The following DIP2C variants were observed in gnomAD, a reference collection of about 807,000 sequenced individuals.
DIP2C encodes the protein DIP2 acetate--CoA ligase C (putative), also known as disco-interacting protein 2 homolog C.
A neutral mutation model predicts 192.4 loss-of-function variants in DIP2C; 33 were observed. The observed-to-expected ratio is 0.17, with a 90% CI of 0.13 to 0.23. The LOEUF is 0.23. Among genes scored for constraint, DIP2C ranks in the 10% least tolerant of loss-of-function variants. The pLI is 1.00. For synonymous variants in DIP2C, 979 were observed against 864.1 expected (o/e 1.13, Z -2.33); for missense variants, 1,537 against 2,110.1 (o/e 0.73, Z 5.32).
intron 1 of DIP2C, among the ~76,000 whole-genome samples, chr10:595,106 G>C (rs1015423419): frequency 6.6e-6 from 1 of 152,236 alleles, no homozygotes; most frequent in Non-Finnish European, 1.5e-5. Flanking sequence ...CTCGGGACAA[G>C]AGGTAAAATG....
At chr10:604,842 T>C (rs757074027) in intron 1 of DIP2C, among the ~76,000 whole-genome samples, 14 of 152,216 alleles carry the variant, frequency 9.2e-5, no homozygotes, top group Non-Finnish European at 1.6e-4. Flanking sequence ...CAGACCATAC[T>C]GGAGCGAAGG....
At position 414,106 on chromosome 10, in the gene DIP2C, T is replaced by C. The variant is rs1235742450; in HGVS notation, c.864A>G (p.Gln288=). The change falls in exon 8 of 37, where the codon CAA becomes CAG. Residue 288 remains glutamine (Q), a synonymous_variant. Transcript: ENST00000280886. ...GCTTTGGTTGGTTCGGATCCGGTTG[T>C]TGAACTAAATCGTTTGAATACAAGA... ...VDDFEELLEV[Q]QPDPNQPKPE... 1 of 1,610,650 alleles carries C rather than the reference T, an allele frequency of 6.2e-7. No homozygotes were observed. Among genetic ancestry groups the C allele is most frequent in the African/African-American group, 1.3e-5 (1 of 74,894 alleles).
chr10:583,521 T>G (rs572343247), intron 1 of DIP2C, among the ~76,000 whole-genome samples: 1 of 152,316 alleles, frequency 6.6e-6, no homozygotes, highest in Non-Finnish European at 1.5e-5. Context: ...TTGTAAGCAG[T>G]CAGGAGAGGG....
intron 36 of DIP2C, among the ~76,000 whole-genome samples, chr10:279,559 A>C (rs1432117156): frequency 6.6e-6 from 1 of 152,232 alleles, no homozygotes; most frequent in Non-Finnish European, 1.5e-5. Flanking sequence ...GTTTGGCTTG[A>C]ATTTGGCAAC....
chr10:622,739 C>T (rs139811991), intron 1 of DIP2C, among the ~76,000 whole-genome samples: 1 of 152,278 alleles, frequency 6.6e-6, no homozygotes, highest in African/African-American at 2.4e-5. Flanking sequence ...ACGTTCTTCA[C>T]GTTCTAAATG....
At chr10:620,104 T>C (rs891214244) in intron 1 of DIP2C, among the ~76,000 whole-genome samples, 8 of 152,196 alleles carry the variant, frequency 5.3e-5, no homozygotes, top group Admixed American at 1.3e-4. Context: ...CACATGTGGC[T>C]GAATGTATTT....
intron 6 of DIP2C, 120 bp downstream of exon 6, chr10:418,945 A>T: frequency 6.9e-7 from 1 of 1,455,558 alleles, no homozygotes; most frequent in Non-Finnish European, 9.2e-7. Flanking sequence ...AGATCTGATA[A>T]ATTGGCTTTG....
At chr10:392,800 G>C (rs1564653946) in intron 10 of DIP2C, among the ~76,000 whole-genome samples, 1 of 149,756 alleles carries the variant, frequency 6.7e-6, no homozygotes. Flanking sequence ...CACACACGCG[G>C]ATGCGCACAC....
chr10:594,666 C>A (rs1851600666), intron 1 of DIP2C, among the ~76,000 whole-genome samples: 2 of 152,184 alleles, frequency 1.3e-5, no homozygotes, highest in Admixed American at 1.3e-4. Context: ...CTGGCTGCTT[C>A]CTGACAGGAA....
Position 417,847 on chromosome 10 carries a change from C to T in DIP2C, c.739+1218G>A, listed in dbSNP as rs373916970. Among the ~76,000 whole-genome samples, 65 of 63,520 alleles carry T rather than the reference C, an allele frequency of 1.0e-3. 4 individuals carry two copies. The highest frequency in any genetic ancestry group is 3.9e-3 in the African/African-American group (42 of 10,790). The allele number at this position is 63,520 out of a possible 152,430, so 41.7% of individuals were successfully genotyped here. A position where few individuals can be genotyped will look rare whatever the true frequency, so the allele number is the denominator to read the frequency against. On this transcript the variant is annotated intron_variant, in intron 6 of 36. Coordinates refer to ENST00000280886, the MANE Select transcript of DIP2C (RefSeq NM_014974.3). ...GCGGACAGGCCTCCCTGTCCACCTG[C>T]ACCTGTCAGAGCTCGGACAGGCCTC...
Position 472,568 on chromosome 10 carries a change from A to C in DIP2C, c.158-19T>G. On this transcript the variant is annotated intron_variant, in intron 2 of 36. Coordinates refer to ENST00000280886, the MANE Select transcript of DIP2C (RefSeq NM_014974.3). ...TCCACCCCTGGATTTCAATAAAAAC[A>C]GCAGAGTGAGGTGTGACTGTACTCA... 6.2e-7 allele frequency: 1 copy of C among 1,602,322 alleles called. No homozygotes were observed.
intron 3 of DIP2C, among the ~76,000 whole-genome samples, chr10:466,823 C>T (rs1342351957): frequency 1.4e-5 from 2 of 138,060 alleles, no homozygotes; most frequent in East Asian, 4.7e-4. Context: ...CAAATCAAAA[C>T]CACTATGAGA....
rs549301984 is a variant in DIP2C at position 509,282 on chromosome 10, A to C, written c.86-22752T>G. On this transcript the variant is annotated intron_variant, in intron 1 of 36. Transcript: ENST00000280886. ...GCGCCAGGTATTCCCGCACGCACCG[A>C]TATCTTCAGACTTCTGCAGCATCCT... Among the ~76,000 whole-genome samples, 7 of 152,322 alleles carry C rather than the reference A, an allele frequency of 4.6e-5. No homozygotes were observed. The South Asian group carries it at 1.4e-3, about 32-fold the overall frequency.
intron 1 of DIP2C, among the ~76,000 whole-genome samples, chr10:548,615 G>T (rs1357714759): frequency 1.3e-5 from 2 of 150,036 alleles, no homozygotes; most frequent in Non-Finnish European, 3.0e-5. Context: ...GGTTATGGGG[G>T]TGACATGGTG....
At chr10:443,423 G>T (rs61837235) in intron 3 of DIP2C, among the ~76,000 whole-genome samples, 3 of 152,028 alleles carry the variant, frequency 2.0e-5, no homozygotes, top group Non-Finnish European at 4.4e-5. Context: ...ATTTGACACC[G>T]GATTCCCCAG....
intron 1 of DIP2C, among the ~76,000 whole-genome samples, chr10:509,731 C>A (rs1217770804): frequency 6.6e-6 from 1 of 152,160 alleles, no homozygotes; most frequent in Non-Finnish European, 1.5e-5. Context: ...CCGACAAACC[C>A]CACAAAGTCG....
At chr10:337,800 C>CGTGTGTTGTGTAGGCCTAGGCAGCTGTGT (rs749822515) in intron 29 of DIP2C, among the ~76,000 whole-genome samples, 1 of 122,548 alleles carries the variant, frequency 8.2e-6, no homozygotes, top group Non-Finnish European at 1.7e-5. Context: ...TGTGTGTGCA[C>CGTGTGTTGTGTAGGCCTAGGCAGCTGTGT]GTGTGTCGTG....
intron 1 of DIP2C, among the ~76,000 whole-genome samples, chr10:494,313 A>G (rs1844658361): frequency 6.6e-6 from 1 of 152,224 alleles, no homozygotes; most frequent in Admixed American, 6.5e-5. Context: ...ACAGAGCTCC[A>G]TGGTCACTGT....
chr10:669,496 T>A (rs997958950), intron 1 of DIP2C: 2 of 152,212 alleles, frequency 1.3e-5, no homozygotes, highest in African/African-American at 4.8e-5. Flanking sequence ...CCCTGCATTA[T>A]GAAGATGAGC....
Sources: allele counts gnomAD v4.1 joint callset (sites outside exome capture counted in the v4.1 genomes callset), GRCh38; gene constraint gnomAD v4.1.1; transcripts MANE v1.5; gene names NCBI Gene and HGNC (gene_info 2026-07-23, HGNC 2026-07-21).